FAM24B: variants seen among roughly 807,000 people sequenced by gnomAD.
FAM24B encodes family with sequence similarity 24 member B, also known as protein FAM24B.
A neutral mutation model predicts 2.3 loss-of-function variants in FAM24B; 3 were observed. The observed-to-expected ratio is 1.29, with a 90% confidence interval of 0.59 to 3.32. The LOEUF (loss-of-function observed/expected upper bound fraction) is 3.32, where lower values mean the gene tolerates loss of function less well. Among genes scored for constraint, FAM24B ranks in the 30% most tolerant of loss-of-function variants. FAM24B has a pLI of 0.03. For synonymous variants in FAM24B, 36 were observed against 46.3 expected, an observed-to-expected ratio of 0.78 and a Z score of 0.90; for missense variants, 98 against 117.2, an observed-to-expected ratio of 0.84 and a Z score of 0.76.
intron 1 of FAM24B, among the ~76,000 whole-genome samples, chr10:122,869,797 A>T (rs1847862482): frequency 6.6e-6 from 1 of 152,204 alleles, no homozygotes; most frequent in South Asian, 2.1e-4. Flanking sequence ...GTGTAGAGGG[A>T]AATTTATAGC....
At chr10:122,857,261 T>C (rs1373492008) in intron 1 of FAM24B, among the ~76,000 whole-genome samples, 3 of 152,190 alleles carry the variant, frequency 2.0e-5, no homozygotes, top group Admixed American at 6.5e-5. Context: ...TGACATTCCA[T>C]CATATTCGCT....
Position 122,850,411 on chromosome 10 carries a change from A to C in FAM24B, c.92+13T>G. 6.2e-7 allele frequency: 1 copy of C among 1,608,548 alleles called. No individual in the cohort carries two copies. Among genetic ancestry groups the C allele is most frequent in the Non-Finnish European group, 8.5e-7 (1 of 1,175,024 alleles). ...CACTTTAGTACGTTGTTTATTTTGA[A>C]CTTGTGACTCACTTTAGCGCGTTGT... On this transcript the variant is annotated intron_variant, in intron 3 of 3. Transcript: ENST00000368898.
rs376884490 is a variant in FAM24B at position 122,858,297 on chromosome 10, G to A, written c.-177-2511C>T. Among the ~76,000 whole-genome samples, 25 of 151,704 alleles carry A rather than the reference G, an allele frequency of 1.6e-4. No homozygotes were observed. The South Asian group carries it at 4.0e-3, about 24-fold the overall frequency. On this transcript the variant is annotated intron_variant, in intron 1 of 3. Coordinates refer to ENST00000368898, the MANE Select transcript of FAM24B (RefSeq NM_152644.3). Reference sequence around the variant, plus strand: ...AAACCATCATTCTCAGCAAACTATCGCAAGGACAAAAAACCAAACACCTCA... The same window carrying A: ...AAACCATCATTCTCAGCAAACTATCACAAGGACAAAAAACCAAACACCTCA...
chr10:122,867,308 T>G (rs2133836494), intron 1 of FAM24B, among the ~76,000 whole-genome samples: 1 of 152,342 alleles, frequency 6.6e-6, no homozygotes, highest in South Asian at 2.1e-4. Flanking sequence ...TTGAACTGGG[T>G]GGAGTCCACC....
chr10:122,856,231 C>T (rs1211000012), intron 1 of FAM24B, among the ~76,000 whole-genome samples: 1 of 152,208 alleles, frequency 6.6e-6, no homozygotes, highest in Non-Finnish European at 1.5e-5. Flanking sequence ...ACAATCAGCA[C>T]AGGGGCAGCA....
At chr10:122,873,190 G>C (rs759914709) in intron 1 of FAM24B, among the ~76,000 whole-genome samples, 1 of 152,138 alleles carries the variant, frequency 6.6e-6, no homozygotes, top group Non-Finnish European at 1.5e-5. Context: ...CAGCTAGAGA[G>C]GTCAACGCCT....
At chr10:122,862,611 C>T (rs1199048349) in intron 1 of FAM24B, among the ~76,000 whole-genome samples, 2 of 151,942 alleles carry the variant, frequency 1.3e-5, no homozygotes, top group Non-Finnish European at 2.9e-5. Context: ...CCTTTGTTTT[C>T]AGGGACTTTT....
chr10:122,875,448 T>C (rs1441590844), intron 1 of FAM24B, among the ~76,000 whole-genome samples: 1 of 152,244 alleles, frequency 6.6e-6, no homozygotes, highest in Non-Finnish European at 1.5e-5. Context: ...CTTTGTTTCT[T>C]GTTCTTTCTT....
chr10:122,849,744 G>A (rs1344785534), intron 3 of FAM24B, among the ~76,000 whole-genome samples: 1 of 151,826 alleles, frequency 6.6e-6, no homozygotes, highest in Non-Finnish European at 1.5e-5. Flanking sequence ...ATTTGGCTGT[G>A]TCCCAGGCTC....
chr10:122,861,611 T>C (rs1000369814), intron 1 of FAM24B, among the ~76,000 whole-genome samples: 2 of 152,226 alleles, frequency 1.3e-5, no homozygotes, highest in Non-Finnish European at 2.9e-5. Context: ...TTTGATTAAT[T>C]TCCATCAATG....
rs1847510229 is a variant in FAM24B at position 122,850,418 on chromosome 10, A to G, written c.92+6T>C. ...GTACGTTGTTTATTTTGAACTTGTG[A>G]CTCACTTTAGCGCGTTGTGTATTTT... On this transcript the variant is annotated splice_donor_region_variant and intron_variant, in intron 3 of 3. Transcript: ENST00000368898. The G allele has an allele frequency of 1.9e-6, 3 of 1,611,714 alleles. No homozygotes were observed. Among genetic ancestry groups the G allele is most frequent in the Non-Finnish European group, 2.5e-6 (3 of 1,178,026 alleles).
intron 1 of FAM24B, among the ~76,000 whole-genome samples, chr10:122,856,664 G>A (rs1377999229): frequency 6.6e-6 from 1 of 152,142 alleles, no homozygotes; most frequent in Non-Finnish European, 1.5e-5. Flanking sequence ...GAGTCTGCAG[G>A]GGTCTCTTCT....
chr10:122,865,902 T>C (rs1472096373), intron 1 of FAM24B, among the ~76,000 whole-genome samples: 1 of 151,868 alleles, frequency 6.6e-6, no homozygotes, highest in Non-Finnish European at 1.5e-5. Context: ...GACAGCTGTT[T>C]GTATTATTCT....
intron 1 of FAM24B, among the ~76,000 whole-genome samples, chr10:122,876,984 C>A (rs868462133): frequency 2.1e-4 from 32 of 152,308 alleles, no homozygotes; most frequent in Middle Eastern, 3.4e-3. Context: ...ATATATGATT[C>A]TACTCTAAAT....
At chr10:122,862,935 G>A (rs748688197) in intron 1 of FAM24B, among the ~76,000 whole-genome samples, 1 of 151,894 alleles carries the variant, frequency 6.6e-6, no homozygotes, top group Non-Finnish European at 1.5e-5. Flanking sequence ...AGTACCAAGT[G>A]CAGTCTCTAT....
chr10:122,861,345 G>A (rs532923388), intron 1 of FAM24B, among the ~76,000 whole-genome samples: 2 of 152,256 alleles, frequency 1.3e-5, no homozygotes, highest in South Asian at 2.1e-4. Context: ...ACTGATCTAT[G>A]TCAAACTGCA....
At chr10:122,860,515 T>C (rs1043082570) in intron 1 of FAM24B, among the ~76,000 whole-genome samples, 6 of 152,220 alleles carry the variant, frequency 3.9e-5, no homozygotes, top group Admixed American at 1.3e-4. Context: ...AAGTTTTCAG[T>C]TCATTTGGTA....
intron 1 of FAM24B, among the ~76,000 whole-genome samples, chr10:122,872,942 A>AAAAAT (rs1209824083): frequency 6.6e-6 from 1 of 152,188 alleles, no homozygotes; most frequent in Non-Finnish European, 1.5e-5. Context: ...ATAACAATAC[A>AAAAAT]AAAATAAAAT....
At chr10:122,862,699 GTTT>G (rs1456502111) in intron 1 of FAM24B, among the ~76,000 whole-genome samples, 1 of 152,004 alleles carries the variant, frequency 6.6e-6, no homozygotes, top group Non-Finnish European at 1.5e-5. Context: ...TACAAACTGG[GTTT>G]TTTAACACAA....
Sources: allele counts gnomAD v4.1 joint callset (sites outside exome capture counted in the v4.1 genomes callset), GRCh38; gene constraint gnomAD v4.1.1; transcripts MANE v1.5; gene names NCBI Gene and HGNC (gene_info 2026-07-23, HGNC 2026-07-21).